Variants in CTPS1 observed in about 807,000 individuals in gnomAD.
CTPS1 encodes the protein CTP synthetase 1.
Under a neutral mutation model 80.5 loss-of-function variants are expected in CTPS1, and 25 were observed. The ratio of observed to expected loss-of-function variants is 0.31; its 90% CI spans 0.23 to 0.43. The LOEUF is 0.43. Among genes scored for constraint, CTPS1 ranks in the 20% least tolerant of loss-of-function variants. CTPS1 has a pLI of 1.00. For missense variants in CTPS1, 442 were observed against 725.7 expected (o/e 0.61, Z 4.49); for synonymous variants, 267 against 252.5 (o/e 1.06, Z -0.54).
At chr1:41,010,109 G>A in intron 17 of CTPS1, 52 bp from the exon 18 acceptor site, 1 of 1,345,640 alleles carries the variant, frequency 7.4e-7, no homozygotes, top group Admixed American at 1.8e-5. Context: ...AAACAGGGAC[G>A]TAAAGTGAGT....
intron 17 of CTPS1, 24 bp from the exon 18 acceptor site, chr1:41,010,137 G>A (rs377219357): frequency 1.2e-4 from 189 of 1,579,976 alleles, no homozygotes; most frequent in Non-Finnish European, 1.5e-4. Context: ...GGGAGATGAT[G>A]CGTAAACCAT....
In CTPS1 at chr1:40,995,916, G is replaced by A. The variant is rs1642741008; in HGVS notation, c.721-1G>A. The A allele has an allele frequency of 6.2e-7, 1 of 1,612,850 alleles. No homozygotes were observed. Among genetic ancestry groups the A allele is most frequent in the Admixed American group, 1.7e-5 (1 of 59,896 alleles). On this transcript the variant is annotated splice_acceptor_variant, in intron 7 of 18. Transcript: ENST00000650070. LOFTEE classifies it high-confidence loss of function. Reference sequence around the variant, plus strand: ...TTAATAACTTGCTTTTTTCTAAACAGGTGATCTGTGTCCACGATGTCTCAT... The same window carrying A: ...TTAATAACTTGCTTTTTTCTAAACAAGTGATCTGTGTCCACGATGTCTCAT...
chr1:41,001,077 G>A lies in CTPS1; in HGVS notation c.1054G>A (p.Val352Met), dbSNP rs150289603. Residue 352 changes from valine (V) to methionine (M), a missense_variant, in exon 10 of 19, where the codon GTG becomes ATG. By Grantham distance (21) the Val-to-Met change is conservative. This residue lies in a region of CTPS1 where 321 missense variants were observed against 467.2 expected (regional missense o/e 0.69). Coordinates refer to ENST00000650070, the MANE Select transcript of CTPS1 (RefSeq NM_001905.4). Reference sequence around the variant, plus strand: ...GCCCATCACCTCGCAAGAAGAGCCCGTGCGCTACCACGAAGCTTGGCAGAA... The same window carrying A: ...GCCCATCACCTCGCAAGAAGAGCCCATGCGCTACCACGAAGCTTGGCAGAA... ...LEPITSQEEPVRYHEAWQKLC... is the reference protein window; with the variant it reads ...LEPITSQEEPMRYHEAWQKLC... 6.2e-6 allele frequency: 10 copies of A among 1,612,368 alleles called. No individual in the cohort carries two copies. The highest frequency in any genetic ancestry group is 2.2e-5 in the East Asian group (1 of 44,816).
chr1:41,005,444 A>G (rs529010686), intron 12 of CTPS1, among the ~76,000 whole-genome samples: 1 of 151,722 alleles, frequency 6.6e-6, no homozygotes, highest in Non-Finnish European at 1.5e-5. Context: ...ACAAGTGTGA[A>G]ATTCTGTCTC....
chr1:41,007,853 A>G lies in CTPS1; in HGVS notation c.1393+308A>G, dbSNP rs1643074190. The stretch of plus-strand genomic sequence containing the variant: ...CTTTCCTATTAAGACCAGCCATATC[A>G]ATTGCTGATGTTTGGCAATTTTTGT... On this transcript the variant is annotated intron_variant, in intron 14 of 18. Transcript: ENST00000650070. This position sits in a 1 kb window ranked among gnomAD's most constrained non-coding sequence, Gnocchi z 4.4. Among the ~76,000 whole-genome samples, 1 of 152,218 alleles carries G rather than the reference A, an allele frequency of 6.6e-6. No homozygotes were observed. The highest frequency in any genetic ancestry group is 1.5e-5 in the Non-Finnish European group (1 of 68,048).
chr1:40,985,187 T>TA (rs942204818), intron 3 of CTPS1, among the ~76,000 whole-genome samples, 196 bp downstream of exon 3: 1 of 152,244 alleles, frequency 6.6e-6, no homozygotes, highest in East Asian at 1.9e-4. Context: ...TGTTGTTTGC[T>TA]AAAAAAAATA....
intron 1 of CTPS1, chr1:40,980,988 C>T (rs999726197): frequency 4.6e-5 from 7 of 152,422 alleles, no homozygotes; most frequent in Admixed American, 3.9e-4. Context: ...AAACAGGAGC[C>T]GCCTGGATCC....
chr1:40,987,333 G>C (rs762909135), intron 3 of CTPS1, 39 bp from the exon 4 acceptor site: 7 of 1,436,306 alleles, frequency 4.9e-6, no homozygotes, highest in Admixed American at 1.7e-5. Context: ...CAATGTAGAT[G>C]GACAAGCGTA....
At chr1:40,980,132 T>G (rs374336938) in intron 1 of CTPS1, 1 of 151,234 alleles carries the variant, frequency 6.6e-6, no homozygotes, top group South Asian at 2.1e-4. Flanking sequence ...GCTGCCGCGC[T>G]GGGCCGCGCC....
chr1:40,998,265 G>A (rs1642808104), intron 9 of CTPS1, among the ~76,000 whole-genome samples: 1 of 152,060 alleles, frequency 6.6e-6, no homozygotes, highest in South Asian at 2.1e-4. Flanking sequence ...AGGCATGGTG[G>A]CATGTGCCTG....
At chr1:40,989,938 A>G (rs1642558075) in intron 5 of CTPS1, among the ~76,000 whole-genome samples, 1 of 152,178 alleles carries the variant, frequency 6.6e-6, no homozygotes, top group South Asian at 2.1e-4. Context: ...AGGAGAGAAA[A>G]GGTAAAATTA....
rs181842298 is a variant in CTPS1 at position 40,981,718 on chromosome 1, A to G, written c.-13-1560A>G. Among the ~76,000 whole-genome samples, 340 of 152,178 alleles carry G rather than the reference A, an allele frequency of 2.2e-3. 1 individual carries two copies. Among genetic ancestry groups the G allele is most frequent in the Non-Finnish European group, 3.1e-3 (210 of 68,012 alleles). On this transcript the variant is annotated intron_variant, in intron 1 of 18. Coordinates refer to ENST00000650070, the MANE Select transcript of CTPS1 (RefSeq NM_001905.4). ...CGTTTCTCTGATTTATATCCATAAC[A>G]CCCTTTTTGAGAATCCCATGTGCAT...
Position 40,996,019 on chromosome 1 carries a change from G to A in CTPS1, c.823G>A (p.Glu275Lys). 6.2e-7 allele frequency: 1 copy of A among 1,614,160 alleles called. No homozygotes were observed. The highest frequency in any genetic ancestry group is 8.5e-7 in the Non-Finnish European group (1 of 1,180,016). The change falls in exon 8 of 19, where the codon GAG becomes AAG. Residue 275 changes from glutamate (E) to lysine (K), a missense_variant. Physicochemically the swap from Glu to Lys is moderately conservative, Grantham distance 56. Around this residue, in one of 4 missense-constraint regions of CTPS1, gnomAD observed 321 missense variants for 467.2 expected, o/e 0.69. Coordinates refer to ENST00000650070, the MANE Select transcript of CTPS1 (RefSeq NM_001905.4). ...TCTTCGAAGACTTGACCTTCCTATTGAGAGGCAGCCAAGAAAAATGCTGAT... is the reference window on the plus strand; with the variant it reads ...TCTTCGAAGACTTGACCTTCCTATTAAGAGGCAGCCAAGAAAAATGCTGAT... ...YFLRRLDLPI[E>K]RQPRKMLMKW...
At chr1:40,991,325 C>CT (rs1642606044) in intron 6 of CTPS1, 77 bp downstream of exon 6, 1 of 1,134,920 alleles carries the variant, frequency 8.8e-7, no homozygotes, top group South Asian at 1.5e-5. Flanking sequence ...CAGACAAGAC[C>CT]TTTGTCTTGT....
chr1:41,003,127 G>A lies in CTPS1; in HGVS notation c.1203G>A (p.Gly401=). The change falls in exon 12 of 19, where the codon GGG becomes GGA. Residue 401 remains glycine (G), a synonymous_variant. Coordinates refer to ENST00000650070, the MANE Select transcript of CTPS1 (RefSeq NM_001905.4). ...CCCGACTGGAAGGCGTGTGCTTAGG[G>A]ATGCAGTTGGCAGTGGTTGAATTCT... ...QKKPFLGVCL[G]MQLAVVEFSR... is the part of the protein sequence containing the mutation. 6.2e-7 allele frequency: 1 copy of A among 1,614,214 alleles called. No homozygotes were observed. Among genetic ancestry groups the A allele is most frequent in the South Asian group, 1.1e-5 (1 of 91,080 alleles).
intron 8 of CTPS1, chr1:40,997,089 A>G: frequency 3.8e-6 from 1 of 260,140 alleles, no homozygotes; most frequent in Non-Finnish European, 7.3e-6. Context: ...GAACTCAGAT[A>G]ATAGCTATTC....
intron 3 of CTPS1, among the ~76,000 whole-genome samples, chr1:40,986,042 T>G (rs1383215385): frequency 6.6e-6 from 1 of 152,244 alleles, no homozygotes; most frequent in African/African-American, 2.4e-5. Context: ...GAATGCTCAC[T>G]GCAGTCAGAC....
At chr1:40,995,381 G>C (rs1642724394) in intron 7 of CTPS1, among the ~76,000 whole-genome samples, 1 of 148,962 alleles carries the variant, frequency 6.7e-6, no homozygotes, top group Non-Finnish European at 1.5e-5. Context: ...ACCACACCCA[G>C]CTAATTTTTT....
At chr1:40,998,586 TG>T (rs1642822364) in intron 9 of CTPS1, among the ~76,000 whole-genome samples, 1 of 152,076 alleles carries the variant, frequency 6.6e-6, no homozygotes, top group South Asian at 2.1e-4. Context: ...AAGAAGTTCA[TG>T]AATACAAAGT....
Sources: gnomAD v4.1 joint callset for allele counts (sites outside exome capture counted in the v4.1 genomes callset) on GRCh38, gnomAD v4.1.1 for gene constraint, gnomAD v4.1.1 regional missense constraint, Gnocchi (gnomAD v3.1) non-coding constraint, MANE v1.5 for transcripts, NCBI Gene and HGNC (gene_info 2026-07-23, HGNC 2026-07-21) for gene names.